The following LRP1B variants were observed in gnomAD, a reference collection of about 807,000 sequenced individuals.
LRP1B encodes the protein low-density lipoprotein receptor-related protein 1B.
Under a neutral mutation model 556.6 loss-of-function variants are expected in LRP1B, and 217 were observed. The ratio of observed to expected loss-of-function variants is 0.39; its 90% CI spans 0.35 to 0.44. The LOEUF is 0.44. Ranked by LOEUF, LRP1B falls within the 20% of genes least tolerant of loss-of-function variation. The pLI is 1.00. For missense variants in LRP1B, 5,053 were observed against 5,620.8 expected, an observed-to-expected ratio of 0.90 and a Z score of 3.23; for synonymous variants, 2,047 against 1,865.8, an observed-to-expected ratio of 1.10 and a Z score of -2.50.
At chr2:140,823,051 T>C (rs1691380592) in intron 31 of LRP1B, among the ~76,000 whole-genome samples, 1 of 152,202 alleles carries the variant, frequency 6.6e-6, no homozygotes. Context: ...TGATCATGGT[T>C]CTACCATATG....
At chr2:141,402,792 A>C (rs1690494912) in intron 3 of LRP1B, among the ~76,000 whole-genome samples, 1 of 152,122 alleles carries the variant, frequency 6.6e-6, no homozygotes, top group Non-Finnish European at 1.5e-5. Flanking sequence ...ATTTATTGAG[A>C]TATTTCAAAA....
chr2:140,957,559 G>A (rs1695911099), intron 18 of LRP1B, among the ~76,000 whole-genome samples: 1 of 151,504 alleles, frequency 6.6e-6, no homozygotes, highest in Non-Finnish European at 1.5e-5. Context: ...GGAATGTTAG[G>A]TAAAATAACA....
intron 3 of LRP1B, among the ~76,000 whole-genome samples, chr2:141,339,160 A>G (rs1264144923): frequency 6.6e-6 from 1 of 151,812 alleles, no homozygotes; most frequent in East Asian, 1.9e-4. Flanking sequence ...GTGTTTTTTT[A>G]TATGACTTTT....
chr2:141,781,844 G>A (rs909559027), intron 2 of LRP1B, among the ~76,000 whole-genome samples: 4 of 146,338 alleles, frequency 2.7e-5, no homozygotes, highest in African/African-American at 9.8e-5. Context: ...GGGATCATGA[G>A]AACAAAGATG....
intron 1 of LRP1B, among the ~76,000 whole-genome samples, chr2:141,940,011 A>AAATTATTTTGAAG (rs67999898): frequency 5.3e-5 from 8 of 151,706 alleles, no homozygotes; most frequent in Non-Finnish European, 1.0e-4. Flanking sequence ...ATAAACATTA[A>AAATTATTTTGAAG]ATCTCAAGTC....
intron 43 of LRP1B, among the ~76,000 whole-genome samples, chr2:140,594,023 G>C (rs180762085): frequency 7.4e-4 from 112 of 151,940 alleles, no homozygotes; most frequent in African/African-American, 2.7e-3. Flanking sequence ...CCATTGCCAG[G>C]CTGGAGTGCA....
In LRP1B at chr2:142,041,107, C is replaced by CT. The variant is rs1553507924; in HGVS notation, c.82+89540dup. ...ATTGTAAATATTATGGAACCAGTGC[C>CT]TTTTTTTTTCTTTTCTGATTTATTT... On this transcript the variant is annotated intron_variant, in intron 1 of 90. Transcript: ENST00000389484. Among the ~76,000 whole-genome samples, 274 of 150,648 alleles carry CT rather than the reference C, an allele frequency of 1.8e-3. 2 individuals are homozygous for CT. The highest frequency in any genetic ancestry group is 5.8e-3 in the African/African-American group (238 of 41,158).
intron 41 of LRP1B, among the ~76,000 whole-genome samples, chr2:140,627,262 G>A (rs1010473418): frequency 7.2e-5 from 11 of 152,084 alleles, no homozygotes; most frequent in African/African-American, 2.4e-4. Context: ...TGTCTGCGAG[G>A]GTGTTGAAAG....
At chr2:140,661,889 G>C (rs1273017199) in intron 41 of LRP1B, among the ~76,000 whole-genome samples, 2 of 146,684 alleles carry the variant, frequency 1.4e-5, no homozygotes, top group Non-Finnish European at 3.0e-5. Context: ...AAGATTCTAA[G>C]TTGTATAGCA....
At chr2:141,426,631 T>C (rs905976583) in intron 3 of LRP1B, among the ~76,000 whole-genome samples, 7 of 152,218 alleles carry the variant, frequency 4.6e-5, no homozygotes, top group African/African-American at 1.7e-4. Flanking sequence ...AGCTAGAAAG[T>C]GATTCTTCTT....
chr2:142,011,428 C>T (rs1274546812), intron 1 of LRP1B, among the ~76,000 whole-genome samples: 3 of 152,202 alleles, frequency 2.0e-5, no homozygotes, highest in East Asian at 1.9e-4. Flanking sequence ...CATCAGAAAG[C>T]GTAGTAACCC....
chr2:140,754,539 A>G (rs1302194502), intron 35 of LRP1B, among the ~76,000 whole-genome samples: 1 of 152,180 alleles, frequency 6.6e-6, no homozygotes, highest in Non-Finnish European at 1.5e-5. Flanking sequence ...AAATTCATAA[A>G]TGTGGTGGAA....
At chr2:141,605,248 TA>T (rs1160564475) in intron 2 of LRP1B, among the ~76,000 whole-genome samples, 17 of 151,860 alleles carry the variant, frequency 1.1e-4, no homozygotes. Flanking sequence ...TTAAAGGGTA[TA>T]AAAAACAAAA....
At chr2:141,254,665 T>C (rs749074421) in intron 3 of LRP1B, 24 bp from the exon 4 acceptor site, 16 of 1,539,130 alleles carry the variant, frequency 1.0e-5, no homozygotes, top group Middle Eastern at 1.8e-4. Context: ...ACAAATATAT[T>C]CTCTATATTT....
At chr2:140,565,004 T>C (rs1681073157) in intron 43 of LRP1B, among the ~76,000 whole-genome samples, 1 of 151,952 alleles carries the variant, frequency 6.6e-6, no homozygotes, top group African/African-American at 2.4e-5. Flanking sequence ...AAGAAGATAG[T>C]ATTACTTTAG....
intron 2 of LRP1B, among the ~76,000 whole-genome samples, chr2:141,592,047 A>T (rs1431459337): frequency 6.6e-6 from 1 of 152,034 alleles, no homozygotes; most frequent in African/African-American, 2.4e-5. Context: ...CTCCTGAAAG[A>T]CTTCTTTGAT....
chr2:140,299,739 C>T (rs762406606), intron 83 of LRP1B, among the ~76,000 whole-genome samples: 13 of 151,826 alleles, frequency 8.6e-5, no homozygotes, highest in Non-Finnish European at 1.6e-4. Context: ...GAGCCCAAAA[C>T]AACAGAAGTA....
chr2:140,897,023 C>G (rs1693973804), intron 23 of LRP1B, among the ~76,000 whole-genome samples: 1 of 152,076 alleles, frequency 6.6e-6, no homozygotes. Flanking sequence ...CAGAATAAAG[C>G]CTTTTTTCTT....
chr2:140,526,086 C>A (rs1382411204), intron 48 of LRP1B, 93 bp from the exon 49 acceptor site: 1 of 1,417,736 alleles, frequency 7.1e-7, no homozygotes, highest in Non-Finnish European at 9.8e-7. Context: ...AAGTTAACTT[C>A]ATTTGAGGAA....
Sources: allele counts gnomAD v4.1 joint callset (sites outside exome capture counted in the v4.1 genomes callset), GRCh38; gene constraint gnomAD v4.1.1; transcripts MANE v1.5; gene names NCBI Gene and HGNC (gene_info 2026-07-23, HGNC 2026-07-21).